SH3RF3: variants seen among roughly 807,000 people sequenced by gnomAD.
SH3RF3 encodes the protein E3 ubiquitin-protein ligase SH3RF3.
Under a neutral mutation model 66.3 loss-of-function variants are expected in SH3RF3, and 29 were observed. That is an observed-to-expected ratio of 0.44 (90% confidence interval 0.33 to 0.60). The LOEUF is 0.60. Ranked by LOEUF, SH3RF3 falls within the 20% of genes least tolerant of loss-of-function variation. SH3RF3 has a pLI of 0.04. For synonymous variants in SH3RF3, 583 were observed against 532.0 expected (o/e 1.10, Z -1.32); for missense variants, 1,194 against 1,190.9 (o/e 1.00, Z -0.04).
chr2:109,275,743 G>A (rs532971069), intron 1 of SH3RF3, among the ~76,000 whole-genome samples: 141 of 152,198 alleles, frequency 9.3e-4, no homozygotes, highest in African/African-American at 3.3e-3. Context: ...TTCCTCTCCC[G>A]GACAGCCGCA....
At chr2:109,217,693 G>A (rs1256261584) in intron 1 of SH3RF3, among the ~76,000 whole-genome samples, 3 of 152,202 alleles carry the variant, frequency 2.0e-5, no homozygotes, top group Admixed American at 1.3e-4. Context: ...CCAGATGTCC[G>A]AAGACCTTTT....
chr2:109,394,031 G>A (rs1324073276), intron 3 of SH3RF3, among the ~76,000 whole-genome samples: 2 of 152,168 alleles, frequency 1.3e-5, no homozygotes, highest in Non-Finnish European at 2.9e-5. Flanking sequence ...GAGCTGCGGG[G>A]AGAGAGTCTT....
chr2:109,275,741 C>G (rs1680741175), intron 1 of SH3RF3, among the ~76,000 whole-genome samples: 3 of 152,186 alleles, frequency 2.0e-5, no homozygotes, highest in Non-Finnish European at 2.9e-5. Context: ...CCTTCCTCTC[C>G]CGGACAGCCG....
At chr2:109,171,991 C>T (rs1394278743) in intron 1 of SH3RF3, among the ~76,000 whole-genome samples, 5 of 152,250 alleles carry the variant, frequency 3.3e-5, no homozygotes, top group Admixed American at 6.5e-5. Flanking sequence ...TCAGCTGAGT[C>T]GCCCGTTTCC....
At chr2:109,358,546 T>A (rs1454872398) in intron 2 of SH3RF3, among the ~76,000 whole-genome samples, 1 of 152,214 alleles carries the variant, frequency 6.6e-6, no homozygotes, top group Non-Finnish European at 1.5e-5. Flanking sequence ...TTGCTCCACA[T>A]CCTCATCAAC....
intron 2 of SH3RF3, among the ~76,000 whole-genome samples, chr2:109,350,109 C>G (rs990276932): frequency 1.3e-5 from 2 of 152,204 alleles, no homozygotes; most frequent in Non-Finnish European, 2.9e-5. Flanking sequence ...TGATGGAATT[C>G]CATGTTCCAT....
intron 9 of SH3RF3, among the ~76,000 whole-genome samples, chr2:109,497,435 TAATG>T (rs1451340223): frequency 6.6e-6 from 1 of 152,206 alleles, no homozygotes; most frequent in East Asian, 1.9e-4. Flanking sequence ...ATGGTAATAA[TAATG>T]GAATGAGAAT....
chr2:109,254,697 G>A (rs1356265841), intron 1 of SH3RF3, among the ~76,000 whole-genome samples: 2 of 152,182 alleles, frequency 1.3e-5, no homozygotes, highest in African/African-American at 4.8e-5. Flanking sequence ...GTTGGTGTGT[G>A]GTTGTCTCTT....
intron 1 of SH3RF3, among the ~76,000 whole-genome samples, chr2:109,167,012 A>G (rs1275163701): frequency 6.6e-6 from 1 of 152,194 alleles, no homozygotes; most frequent in Non-Finnish European, 1.5e-5. Flanking sequence ...AGCAATGCTA[A>G]AAGAACAATA....
At chr2:109,257,012 C>T (rs754781176) in intron 1 of SH3RF3, among the ~76,000 whole-genome samples, 17 of 152,190 alleles carry the variant, frequency 1.1e-4, no homozygotes, top group African/African-American at 2.9e-4. Flanking sequence ...TGACCAGGCA[C>T]GGGTCACATT....
At chr2:109,401,674 C>G (rs1676317185) in intron 4 of SH3RF3, among the ~76,000 whole-genome samples, 1 of 152,212 alleles carries the variant, frequency 6.6e-6, no homozygotes, top group East Asian at 1.9e-4. Flanking sequence ...CTGCCACTTT[C>G]CCACAGGCCC....
chr2:109,255,283 T>C (rs1680196073), intron 1 of SH3RF3, among the ~76,000 whole-genome samples: 1 of 152,232 alleles, frequency 6.6e-6, no homozygotes, highest in Non-Finnish European at 1.5e-5. Flanking sequence ...ACTGTCACAC[T>C]GGGCTTCCAG....
chr2:109,235,684 C>A (rs1333070097), intron 1 of SH3RF3, among the ~76,000 whole-genome samples: 1 of 152,158 alleles, frequency 6.6e-6, no homozygotes, highest in Non-Finnish European at 1.5e-5. Context: ...TACGTGTCTA[C>A]CAACATAAAG....
chr2:109,160,032 A>G (rs756277350), intron 1 of SH3RF3, among the ~76,000 whole-genome samples: 18 of 152,354 alleles, frequency 1.2e-4, no homozygotes, highest in African/African-American at 3.8e-4. Context: ...CGCCAGGTCC[A>G]TGGAAAAGTC....
chr2:109,478,057 T>A (rs1678736233), intron 8 of SH3RF3, among the ~76,000 whole-genome samples: 1 of 151,960 alleles, frequency 6.6e-6, no homozygotes. Context: ...GGGGAGGAGG[T>A]CCCTGAGTGT....
intron 5 of SH3RF3, among the ~76,000 whole-genome samples, chr2:109,428,165 G>T (rs556465852): frequency 1.3e-5 from 2 of 152,348 alleles, no homozygotes; most frequent in Admixed American, 1.3e-4. Context: ...CGTGGCCCTG[G>T]GAGAAAAGTA....
At chr2:109,203,946 C>T (rs1359352838) in intron 1 of SH3RF3, among the ~76,000 whole-genome samples, 8 of 152,192 alleles carry the variant, frequency 5.3e-5, no homozygotes. Flanking sequence ...GGCCTCCCAG[C>T]AGAGCATCTG....
In SH3RF3 at chr2:109,504,063, C is replaced by T. The variant is rs943394283; in HGVS notation, c.*2392C>T. The stretch of plus-strand genomic sequence containing the variant: ...GCAGAGGAAATGCATGGCCCATGTG[C>T]ATTTCTGAGTATTTTAAACTCGTTC... On this transcript the variant is annotated 3_prime_UTR_variant, in exon 10 of 10. Transcript: ENST00000309415. 1.3e-5 allele frequency: 2 copies of T among 152,236 alleles called. No individual in the cohort carries two copies. Among genetic ancestry groups the T allele is most frequent in the African/African-American group, 4.8e-5 (2 of 41,440 alleles). 9.4% of individuals were successfully genotyped at this position (152,236 alleles called of 1,614,324 possible).
intron 1 of SH3RF3, among the ~76,000 whole-genome samples, chr2:109,166,538 AAT>A (rs1388264616): frequency 6.6e-6 from 1 of 152,106 alleles, no homozygotes; most frequent in African/African-American, 2.4e-5. Context: ...CTCTCTGCTC[AAT>A]GTCAGCCATG....
Sources: gnomAD v4.1 joint callset for allele counts (sites outside exome capture counted in the v4.1 genomes callset) on GRCh38, gnomAD v4.1.1 for gene constraint, MANE v1.5 for transcripts, NCBI Gene and HGNC (gene_info 2026-07-23, HGNC 2026-07-21) for gene names.